The following SLC17A4 variants were observed in gnomAD, a reference collection of about 807,000 sequenced individuals.
SLC17A4 encodes probable small intestine urate exporter.
A neutral mutation model predicts 52.5 loss-of-function variants in SLC17A4; 33 were observed. The observed-to-expected ratio is 0.63, with a 90% CI of 0.48 to 0.84. The LOEUF is 0.84. Ranked by LOEUF, SLC17A4 falls within the 40% of genes least tolerant of loss-of-function variation. The probability of loss-of-function intolerance (pLI) is 0.00; values close to 1 mark genes in which losing one functional copy is unlikely to be tolerated. For synonymous variants in SLC17A4, 225 were observed against 216.2 expected (o/e 1.04, Z -0.36); for missense variants, 585 against 597.1 (o/e 0.98, Z 0.21).
intron 1 of SLC17A4, among the ~76,000 whole-genome samples, chr6:25,759,171 T>G (rs1207398429): frequency 6.6e-6 from 1 of 152,186 alleles, no homozygotes; most frequent in South Asian, 2.1e-4. Context: ...GTACTTGATA[T>G]AATTTCGATT....
Position 25,771,392 on chromosome 6 carries a change from G to A in SLC17A4, c.706+380G>A, listed in dbSNP as rs146893375. On this transcript the variant is annotated intron_variant, in intron 6 of 11. Coordinates refer to ENST00000377905, the MANE Select transcript of SLC17A4 (RefSeq NM_005495.3). ...AGTTTGAAACCAGCCTGGCCAACAT[G>A]GTTAAACCCCGTCTCTACTAAAATT... 9.5e-3 allele frequency among the ~76,000 whole-genome samples: 1,446 copies of A among 152,046 alleles called. 28 individuals are homozygous for A. The highest frequency in any genetic ancestry group is 0.031 in the African/African-American group (1,265 of 41,474).
At chr6:25,774,791 A>G (rs144990315) in intron 8 of SLC17A4, among the ~76,000 whole-genome samples, 54 of 152,326 alleles carry the variant, frequency 3.5e-4, no homozygotes, top group Middle Eastern at 3.4e-3. Context: ...TCCAGGCTAA[A>G]AAGTCAAGAG....
Position 25,770,477 on chromosome 6 carries a change from T to A in SLC17A4, c.619+6T>A. 6.2e-7 allele frequency: 1 copy of A among 1,613,784 alleles called. No individual in the cohort carries two copies. Among genetic ancestry groups the A allele is most frequent in the Non-Finnish European group, 8.5e-7 (1 of 1,179,702 alleles). On this transcript the variant is annotated splice_donor_region_variant and intron_variant, in intron 5 of 11. Coordinates refer to ENST00000377905, the MANE Select transcript of SLC17A4 (RefSeq NM_005495.3). ...CACCACCATTGCTGGATCAGGTAAC[T>A]GGTACCCTAAACCTCACTTTACATG...
intron 1 of SLC17A4, among the ~76,000 whole-genome samples, chr6:25,757,260 G>A (rs1761100629): frequency 6.6e-6 from 1 of 152,018 alleles, no homozygotes; most frequent in African/African-American, 2.4e-5. Context: ...AAAGGATCAG[G>A]TCTATTTTCT....
Position 25,780,433 on chromosome 6 carries a change from G to A in SLC17A4, c.*1245G>A, listed in dbSNP as rs41271827. ...CCCTGCAAAGTTTCAGCTGAGCTGG[G>A]ATCTGAAGGATAATAGTTAACTGTT... On this transcript the variant is annotated 3_prime_UTR_variant, in exon 12 of 12. Transcript: ENST00000377905. 0.1 allele frequency: 15,904 copies of A among 152,242 alleles called. 1,048 individuals carry two copies. Among genetic ancestry groups the A allele is most frequent in the Middle Eastern group, 0.16 (47 of 296 alleles). 9.4% of individuals were successfully genotyped at this position (152,242 alleles called of 1,614,324 possible).
chr6:25,778,453 A>G (rs1454245024), intron 11 of SLC17A4, among the ~76,000 whole-genome samples: 1 of 152,158 alleles, frequency 6.6e-6, no homozygotes, highest in Non-Finnish European at 1.5e-5. Flanking sequence ...AGGCACTAGC[A>G]TACTGTCAGG....
chr6:25,759,091 T>A (rs1253877438), intron 1 of SLC17A4, among the ~76,000 whole-genome samples: 1 of 152,222 alleles, frequency 6.6e-6, no homozygotes. Flanking sequence ...TTAATTTCCA[T>A]GTATTTGCAC....
intron 1 of SLC17A4, among the ~76,000 whole-genome samples, chr6:25,755,048 TACACACACACAC>T (rs35878702): frequency 6.9e-6 from 1 of 144,946 alleles, no homozygotes; most frequent in African/African-American, 2.6e-5. Flanking sequence ...CACACACACA[TACACACACACAC>T]ACACACACAC....
chr6:25,761,602 T>C (rs1171993223), intron 1 of SLC17A4, among the ~76,000 whole-genome samples: 2 of 152,232 alleles, frequency 1.3e-5, no homozygotes, highest in African/African-American at 4.8e-5. Context: ...CAAATAAGGT[T>C]GTCAAGTTTT....
At chr6:25,761,526 T>C (rs865870638) in intron 1 of SLC17A4, among the ~76,000 whole-genome samples, 5 of 152,226 alleles carry the variant, frequency 3.3e-5, no homozygotes, top group Non-Finnish European at 4.4e-5. Context: ...TTTTATGTAA[T>C]ATGTATAGGT....
At chr6:25,771,079 T>A in intron 6 of SLC17A4, 67 bp downstream of exon 6, 1 of 1,278,890 alleles carries the variant, frequency 7.8e-7, no homozygotes, top group Non-Finnish European at 1.1e-6. Flanking sequence ...TATCTATGGT[T>A]AACCAAATCC....
In SLC17A4 at chr6:25,769,000, G is replaced by A. The variant is rs747535097; in HGVS notation, c.107G>A (p.Arg36Gln). ...TTCCTCTCAGGTTTTTGTTCAGTCC[G>A]ACATGGGCTGGCCCTCATCTTGCAG... The part of the protein sequence containing the change: ...ECSRKGFCSV[R>Q]HGLALILQLC... The change falls in exon 3 of 12, where the codon CGA (arginine) becomes CAA (glutamine). Residue 36 changes from arginine to glutamine, a missense_variant. Arg to Gln is a conservative substitution (Grantham distance 43, BLOSUM62 1). Coordinates refer to ENST00000377905, the MANE Select transcript of SLC17A4 (RefSeq NM_005495.3). 15 of 1,613,794 alleles carry A rather than the reference G, an allele frequency of 9.3e-6. 1 individual carries two copies. Among genetic ancestry groups the A allele is most frequent in the South Asian group, 5.5e-5 (5 of 91,074 alleles).
rs1288999056 is a variant in SLC17A4, at chr6:25,779,095, T to C, written c.1401T>C (p.Ala467=). 3 of 1,613,926 alleles carry C rather than the reference T, an allele frequency of 1.9e-6. No individual in the cohort carries two copies. The highest frequency in any genetic ancestry group is 2.5e-6 in the Non-Finnish European group (3 of 1,179,798). The change falls in exon 12 of 12, where the codon GCT becomes GCC. Residue 467 remains alanine, a synonymous_variant. Coordinates refer to ENST00000377905, the MANE Select transcript of SLC17A4 (RefSeq NM_005495.3). ...GGAGAAATGTCTTCTTGCTTTCAGC[T>C]GCTGTTAACATATCGGGCCTGGTTT... ...FGWRNVFLLS[A]AVNISGLVFY... is the part of the protein sequence containing the mutation.
At chr6:25,765,549 AT>A in intron 2 of SLC17A4, among the ~76,000 whole-genome samples, 1 of 152,252 alleles carries the variant, frequency 6.6e-6, no homozygotes, top group Non-Finnish European at 1.5e-5. Context: ...GTTCTCAATA[AT>A]GACAATAACA....
intron 2 of SLC17A4, among the ~76,000 whole-genome samples, chr6:25,766,453 G>C (rs1249661319): frequency 6.6e-6 from 1 of 152,076 alleles, no homozygotes; most frequent in African/African-American, 2.4e-5. Context: ...AGTGTGACTG[G>C]TGCTTGTGAC....
At chr6:25,768,882 T>G (rs1481075714) in intron 2 of SLC17A4, 103 bp from the exon 3 acceptor site, 1 of 1,075,660 alleles carries the variant, frequency 9.3e-7, no homozygotes, top group Non-Finnish European at 1.4e-6. Context: ...TCTCCCTATA[T>G]TTCTGCATCT....
Position 25,754,798 on chromosome 6 carries a change from AC to A in SLC17A4, c.-37+18del, listed in dbSNP as rs958325212. 4.6e-5 allele frequency: 7 copies of A among 152,102 alleles called. No homozygotes were observed. The highest frequency in any genetic ancestry group is 1.7e-4 in the African/African-American group (7 of 41,406). The allele number at this position is 152,102 out of a possible 1,614,324, so 9.4% of individuals were successfully genotyped here. On this transcript the variant is annotated intron_variant, in intron 1 of 11. Coordinates refer to ENST00000377905, the MANE Select transcript of SLC17A4 (RefSeq NM_005495.3). ...CTCCCTCAGGTTAGTTAGCTTTCAA[AC>A]TTTTACCCTTAATATTCTGCTTTTG...
At chr6:25,770,818 G>C in intron 5 of SLC17A4, 108 bp from the exon 6 acceptor site, 1 of 831,280 alleles carries the variant, frequency 1.2e-6, no homozygotes, top group South Asian at 1.5e-5. Flanking sequence ...TAGATAGTTT[G>C]GCTTGAAACT....
intron 11 of SLC17A4, among the ~76,000 whole-genome samples, chr6:25,778,333 C>T (rs1274200768): frequency 6.6e-6 from 1 of 151,520 alleles, no homozygotes; most frequent in Non-Finnish European, 1.5e-5. Context: ...GAATGACTTT[C>T]CTGTGGTTTT....
Sources: gnomAD v4.1 joint callset for allele counts (sites outside exome capture counted in the v4.1 genomes callset) on GRCh38, gnomAD v4.1.1 for gene constraint, MANE v1.5 for transcripts, NCBI Gene and HGNC (gene_info 2026-07-23, HGNC 2026-07-21) for gene names.